Variants in CPS1 observed in about 807,000 individuals in gnomAD.
The protein encoded by CPS1 is carbamoyl-phosphate synthase 1.
Under a neutral mutation model 174.6 loss-of-function variants are expected in CPS1, and 109 were observed. The observed-to-expected ratio is 0.62, with a 90% CI of 0.53 to 0.73. The LOEUF is 0.73. Among genes scored for constraint, CPS1 ranks in the 30% least tolerant of loss-of-function variants. The probability of loss-of-function intolerance (pLI) is 0.00; values close to 1 mark genes in which losing one functional copy is unlikely to be tolerated. For missense variants in CPS1, 1,689 were observed against 1,821.9 expected, an observed-to-expected ratio of 0.93 and a Z score of 1.33; for synonymous variants, 637 against 632.0, an observed-to-expected ratio of 1.01 and a Z score of -0.12.
intron 20 of CPS1, among the ~76,000 whole-genome samples, chr2:210,616,216 T>TAG (rs1699298575): frequency 6.6e-6 from 1 of 151,988 alleles, no homozygotes; most frequent in Non-Finnish European, 1.5e-5. Flanking sequence ...AAGCACCTAC[T>TAG]CTGTATGCCA....
intron 1 of CPS1, among the ~76,000 whole-genome samples, chr2:210,510,679 A>T (rs1186176220): frequency 6.6e-6 from 1 of 152,170 alleles, no homozygotes; most frequent in Non-Finnish European, 1.5e-5. Flanking sequence ...AACTCAAACA[A>T]ATTTACAAGA....
In CPS1 at chr2:210,605,256, G is replaced by A. The variant is rs773319112; in HGVS notation, c.1981+10G>A. 1.9e-6 allele frequency: 3 copies of A among 1,611,516 alleles called. No individual in the cohort carries two copies. Among genetic ancestry groups the A allele is most frequent in the South Asian group, 2.2e-5 (2 of 91,052 alleles). On this transcript the variant is annotated intron_variant, in intron 17 of 37. Transcript: ENST00000233072. Reference sequence around the variant, plus strand: ...ATGGGTGTTCACACAGGTAGGCAAAGTATCTTCAAGAACTATAGTAATGCT... The same window carrying A: ...ATGGGTGTTCACACAGGTAGGCAAAATATCTTCAAGAACTATAGTAATGCT...
chr2:210,532,334 T>G (rs1574497211), intron 1 of CPS1, among the ~76,000 whole-genome samples: 1 of 152,184 alleles, frequency 6.6e-6, no homozygotes, highest in East Asian at 1.9e-4. Flanking sequence ...TTGCTTGGAA[T>G]GTATTAGATT....
chr2:210,599,924 C>T (rs559427768), intron 14 of CPS1, among the ~76,000 whole-genome samples: 4 of 151,948 alleles, frequency 2.6e-5, no homozygotes, highest in African/African-American at 9.6e-5. Context: ...TAGGTATCAG[C>T]CCTGCAGCAA....
At chr2:210,548,207 T>A (rs972902245) in intron 1 of CPS1, among the ~76,000 whole-genome samples, 50 of 152,080 alleles carry the variant, frequency 3.3e-4, no homozygotes, top group African/African-American at 1.2e-3. Flanking sequence ...TTCTCTCATT[T>A]GTCTTACATT....
At chr2:210,530,394 T>A (rs1437136177) in intron 1 of CPS1, among the ~76,000 whole-genome samples, 1 of 152,112 alleles carries the variant, frequency 6.6e-6, no homozygotes, top group Non-Finnish European at 1.5e-5. Context: ...AATTATTCAC[T>A]ATTTTCTATC....
chr2:210,535,357 C>T (rs1696218190), intron 1 of CPS1, among the ~76,000 whole-genome samples: 1 of 152,124 alleles, frequency 6.6e-6, no homozygotes, highest in South Asian at 2.1e-4. Flanking sequence ...TCTCTCTTAC[C>T]CCGTTCCCCT....
At position 210,580,434 on chromosome 2, in the gene CPS1, A is replaced by G. The variant is rs189192190; in HGVS notation, c.528+664A>G. Among the ~76,000 whole-genome samples, 312 of 152,094 alleles carry G rather than the reference A, an allele frequency of 2.1e-3. 2 individuals carry two copies. Among genetic ancestry groups the G allele is most frequent in the African/African-American group, 7.4e-3 (308 of 41,512 alleles). The stretch of plus-strand genomic sequence containing the variant: ...TGCTTGTTGAGTTTATTATTATTTT[A>G]CTTGAAATTTCCATATTCCAAATCT... On this transcript the variant is annotated intron_variant, in intron 5 of 37. Coordinates refer to ENST00000233072, the MANE Select transcript of CPS1 (RefSeq NM_001875.5).
At chr2:210,575,745 A>T (rs1697676599) in intron 2 of CPS1, among the ~76,000 whole-genome samples, 1 of 152,074 alleles carries the variant, frequency 6.6e-6, no homozygotes, top group African/African-American at 2.4e-5. Flanking sequence ...TTCTAAAATT[A>T]AAATATTTTA....
chr2:210,544,432 T>C (rs1696511353), intron 1 of CPS1, among the ~76,000 whole-genome samples: 1 of 152,084 alleles, frequency 6.6e-6, no homozygotes, highest in South Asian at 2.1e-4. Flanking sequence ...TGAATTCATG[T>C]CAAACCTCAG....
chr2:210,573,560 C>T (rs943481596), intron 2 of CPS1, among the ~76,000 whole-genome samples, 153 bp downstream of exon 2: 1 of 152,000 alleles, frequency 6.6e-6, no homozygotes, highest in Non-Finnish European at 1.5e-5. Context: ...CTACTGCTGC[C>T]GTCCTTGAAA....
chr2:210,663,321 C>A, intron 33 of CPS1, 124 bp downstream of exon 33: 1 of 907,318 alleles, frequency 1.1e-6, no homozygotes, highest in Non-Finnish European at 1.7e-6. Context: ...ACTCAAAGAG[C>A]TTATGAATTT....
In CPS1 at chr2:210,599,352, G is replaced by C; in HGVS notation, c.1360-20G>C. On this transcript the variant is annotated intron_variant, in intron 13 of 37. Coordinates refer to ENST00000233072, the MANE Select transcript of CPS1 (RefSeq NM_001875.5). Reference sequence around the variant, plus strand: ...CTTTAGACCATATATTCATGTACTGGATTCTTTTGTTTCTTTCAGGAAGAA... The same window carrying C: ...CTTTAGACCATATATTCATGTACTGCATTCTTTTGTTTCTTTCAGGAAGAA... 2 of 1,608,982 alleles carry C rather than the reference G, an allele frequency of 1.2e-6. No individual in the cohort carries two copies. The highest frequency in any genetic ancestry group is 1.3e-5 in the African/African-American group (1 of 74,796).
chr2:210,592,946 T>C lies in CPS1; in HGVS notation c.1154T>C (p.Ile385Thr), dbSNP rs201955205. Residue 385 changes from isoleucine to threonine, a missense_variant, in exon 11 of 38, where the codon ATA (isoleucine) becomes ACA (threonine). Coordinates refer to ENST00000233072, the MANE Select transcript of CPS1 (RefSeq NM_001875.5). ...CACCCAGAGGTCACCCCGGGGCCAA[T>C]AGACACTGAGGTACGTCAAAAAGAT... ...QFHPEVTPGP[I>T]DTEYLFDSFF... is the part of the protein sequence containing the mutation. The C allele has an allele frequency of 1.1e-4, 177 of 1,611,836 alleles. 1 individual carries two copies. The highest frequency in any genetic ancestry group is 1.2e-4 in the Non-Finnish European group (145 of 1,178,774).
chr2:210,497,289 A>G (rs911393758), intron 1 of CPS1, among the ~76,000 whole-genome samples: 24 of 152,324 alleles, frequency 1.6e-4, no homozygotes, highest in African/African-American at 5.8e-4. Flanking sequence ...CATATAGAAC[A>G]TGTTAATAAG....
chr2:210,522,325 C>A (rs971104147), intron 1 of CPS1, among the ~76,000 whole-genome samples: 6 of 151,844 alleles, frequency 4.0e-5, no homozygotes, highest in African/African-American at 1.5e-4. Flanking sequence ...TGATAAAGTC[C>A]AATTTATCAT....
intron 34 of CPS1, among the ~76,000 whole-genome samples, chr2:210,671,152 G>C (rs1404579247): frequency 6.6e-6 from 1 of 152,174 alleles, no homozygotes; most frequent in African/African-American, 2.4e-5. Flanking sequence ...TTACTCTAGA[G>C]TAGATCAAGA....
chr2:210,539,238 T>C (rs1161246147), intron 1 of CPS1, among the ~76,000 whole-genome samples: 1 of 152,158 alleles, frequency 6.6e-6, no homozygotes, highest in Non-Finnish European at 1.5e-5. Flanking sequence ...ACAGAGCCTG[T>C]CATACAATAA....
At chr2:210,577,635 A>G (rs559238210) in intron 4 of CPS1, 125 bp downstream of exon 4, 143 of 789,486 alleles carry the variant, frequency 1.8e-4, no homozygotes, top group African/African-American at 9.3e-4. Context: ...TCAGAGAGGG[A>G]TTCCTTCTCT....
Sources: gnomAD v4.1 joint callset for allele counts (sites outside exome capture counted in the v4.1 genomes callset) on GRCh38, gnomAD v4.1.1 for gene constraint, MANE v1.5 for transcripts, NCBI Gene and HGNC (gene_info 2026-07-23, HGNC 2026-07-21) for gene names.